Variants in CHRM3 observed in about 807,000 individuals in gnomAD.
The protein encoded by CHRM3 is muscarinic acetylcholine receptor M3.
CHRM3 carries 11 observed loss-of-function variants against 41.8 expected under a neutral mutation model. The observed-to-expected ratio is 0.26, with a 90% confidence interval of 0.17 to 0.44. The LOEUF (loss-of-function observed/expected upper bound fraction) is 0.44, where lower values mean the gene tolerates loss of function less well. CHRM3 is among the 20% of genes least tolerant of loss of function. The pLI is 1.00. For synonymous variants in CHRM3, 297 were observed against 301.4 expected (o/e 0.99, Z 0.15); for missense variants, 571 against 745.4 (o/e 0.77, Z 2.72).
At chr1:239,413,068 C>T (rs984088634) in intron 1 of CHRM3, among the ~76,000 whole-genome samples, 18 of 141,914 alleles carry the variant, frequency 1.3e-4, no homozygotes, top group African/African-American at 2.1e-4. Flanking sequence ...CAGAGCGAGA[C>T]TCCATGTCAA....
intron 6 of CHRM3, among the ~76,000 whole-genome samples, chr1:239,897,208 C>T (rs575765004): frequency 2.6e-5 from 4 of 152,176 alleles, no homozygotes; most frequent in Non-Finnish European, 4.4e-5. Context: ...GTTCTATCTG[C>T]GTGCATGAGT....
intron 5 of CHRM3, among the ~76,000 whole-genome samples, chr1:239,779,803 C>A (rs1424207960): frequency 1.3e-5 from 2 of 152,218 alleles, no homozygotes; most frequent in Non-Finnish European, 2.9e-5. Context: ...CCTCCCTGCA[C>A]CCTAACCTCT....
intron 1 of CHRM3, among the ~76,000 whole-genome samples, chr1:239,438,122 T>C (rs1447429903): frequency 3.3e-5 from 5 of 152,210 alleles, no homozygotes; most frequent in African/African-American, 4.8e-5. Flanking sequence ...TTTTAAAGTA[T>C]AATGAAACAT....
intron 6 of CHRM3, among the ~76,000 whole-genome samples, chr1:239,874,315 A>ACAG (rs1279887171): frequency 8.1e-6 from 1 of 124,166 alleles, no homozygotes; most frequent in East Asian, 2.3e-4. Context: ...ATATATATAT[A>ACAG]TATATATATA....
At chr1:239,558,444 G>A (rs1056368384) in intron 3 of CHRM3, among the ~76,000 whole-genome samples, 1 of 152,156 alleles carries the variant, frequency 6.6e-6, no homozygotes, top group Non-Finnish European at 1.5e-5. Flanking sequence ...ACTTTCCAAT[G>A]TCTGATTTCA....
At chr1:239,545,368 C>A (rs1454609766) in intron 2 of CHRM3, among the ~76,000 whole-genome samples, 1 of 152,098 alleles carries the variant, frequency 6.6e-6, no homozygotes, top group Non-Finnish European at 1.5e-5. Context: ...ATATTGGGTA[C>A]AATGTACGCT....
At chr1:239,809,494 T>A (rs1670943560) in intron 5 of CHRM3, among the ~76,000 whole-genome samples, 1 of 151,856 alleles carries the variant, frequency 6.6e-6, no homozygotes, top group African/African-American at 2.4e-5. Context: ...TTTTTTATTG[T>A]TTTTTGTTTG....
chr1:239,468,808 G>A (rs142602285), intron 1 of CHRM3, among the ~76,000 whole-genome samples: 273 of 152,130 alleles, frequency 1.8e-3, no homozygotes, highest in African/African-American at 6.3e-3. Context: ...CTCCAGCATC[G>A]GCTATGTGGC....
intron 6 of CHRM3, among the ~76,000 whole-genome samples, chr1:239,863,395 C>T (rs1157506684): frequency 1.3e-5 from 2 of 152,182 alleles, no homozygotes; most frequent in African/African-American, 2.4e-5. Flanking sequence ...CTCTCTGCTC[C>T]ATCGGTGTGG....
chr1:239,720,274 T>G (rs1230300664), intron 5 of CHRM3: 1 of 151,992 alleles, frequency 6.6e-6, no homozygotes, highest in African/African-American at 2.4e-5. Context: ...AATATAAGTA[T>G]ATGTTTTTCT....
chr1:239,881,990 C>T (rs1677679435), intron 6 of CHRM3, among the ~76,000 whole-genome samples: 1 of 152,188 alleles, frequency 6.6e-6, no homozygotes, highest in Admixed American at 6.5e-5. Context: ...ACTGCAACCT[C>T]CTCCTCCCGG....
chr1:239,396,777 T>A (rs1659521385), intron 1 of CHRM3, among the ~76,000 whole-genome samples: 1 of 152,162 alleles, frequency 6.6e-6, no homozygotes, highest in South Asian at 2.1e-4. Flanking sequence ...CACGACAGGA[T>A]TGCCTCTGAT....
chr1:239,420,349 G>C (rs1661855732), intron 1 of CHRM3, among the ~76,000 whole-genome samples: 1 of 152,176 alleles, frequency 6.6e-6, no homozygotes, highest in South Asian at 2.1e-4. Context: ...AGCGTACGCT[G>C]AATGAATAGA....
At chr1:239,898,042 C>A (rs1428198091) in intron 6 of CHRM3, 1 of 152,138 alleles carries the variant, frequency 6.6e-6, no homozygotes, top group Non-Finnish European at 1.5e-5. Context: ...GAATTTTATT[C>A]CGGTTTTGGT....
chr1:239,865,291 A>C (rs936501152), intron 6 of CHRM3, among the ~76,000 whole-genome samples: 1 of 152,256 alleles, frequency 6.6e-6, no homozygotes, highest in Non-Finnish European at 1.5e-5. Context: ...CATGGGATAC[A>C]TCAACATGTA....
At chr1:239,793,813 T>TTTTTTA (rs2148877617) in intron 5 of CHRM3, among the ~76,000 whole-genome samples, 1 of 139,168 alleles carries the variant, frequency 7.2e-6, no homozygotes, top group South Asian at 2.4e-4. Context: ...ATTTTTTTTT[T>TTTTTTA]TTTTTTTTTT....
intron 1 of CHRM3, among the ~76,000 whole-genome samples, chr1:239,490,768 A>C (rs1222500486): frequency 6.6e-6 from 1 of 151,964 alleles, no homozygotes; most frequent in African/African-American, 2.4e-5. Context: ...TTTATTTGAG[A>C]CAGGGTCTTA....
At chr1:239,795,680 A>G (rs1669710362) in intron 5 of CHRM3, among the ~76,000 whole-genome samples, 1 of 152,204 alleles carries the variant, frequency 6.6e-6, no homozygotes. Context: ...ATGATAATGT[A>G]ATTCTTAATG....
intron 2 of CHRM3, among the ~76,000 whole-genome samples, chr1:239,539,116 CT>C (rs1239799118): frequency 6.6e-6 from 1 of 152,140 alleles, no homozygotes; most frequent in Non-Finnish European, 1.5e-5. Context: ...CTGGACATAA[CT>C]GCTGTGGGGA....
Sources: allele counts gnomAD v4.1 joint callset (sites outside exome capture counted in the v4.1 genomes callset), GRCh38; gene constraint gnomAD v4.1.1; transcripts MANE v1.5; gene names NCBI Gene and HGNC (gene_info 2026-07-23, HGNC 2026-07-21).